Variants in NCKAP5 observed in about 807,000 individuals in gnomAD.
The protein encoded by NCKAP5 is NCK associated protein 5.
Under a neutral mutation model 167.0 loss-of-function variants are expected in NCKAP5, and 92 were observed. The observed-to-expected ratio is 0.55, with a 90% CI of 0.47 to 0.66. The LOEUF is 0.66. Ranked by LOEUF, NCKAP5 falls within the 30% of genes least tolerant of loss-of-function variation. The pLI, the probability that NCKAP5 is intolerant of heterozygous loss-of-function variation, is 0.00. For missense variants in NCKAP5, 2,378 were observed against 2,315.0 expected (o/e 1.03, Z -0.56); for synonymous variants, 891 against 877.4 (o/e 1.02, Z -0.27).
At chr2:133,324,210 A>G (rs1682271133) in intron 3 of NCKAP5, among the ~76,000 whole-genome samples, 2 of 152,248 alleles carry the variant, frequency 1.3e-5, no homozygotes, top group Non-Finnish European at 2.9e-5. Flanking sequence ...CCTGCTGTGC[A>G]AACAGATGCA....
At position 133,086,712 on chromosome 2, in the gene NCKAP5, T is replaced by C. The variant is rs144755191; in HGVS notation, c.341+43266A>G. On this transcript the variant is annotated intron_variant, in intron 6 of 19. Transcript: ENST00000409261. ...TGCTTAATTTTCTCAAAAATACCAG[T>C]AGAGAGATCATACATGTTTTATAAC... 1.0e-3 allele frequency among the ~76,000 whole-genome samples: 159 copies of C among 152,208 alleles called. 3 individuals are homozygous for C. In the East Asian group the frequency reaches 0.028, roughly 27 times the overall value.
intron 11 of NCKAP5, among the ~76,000 whole-genome samples, chr2:132,838,747 C>T (rs79977788): frequency 0.05 from 7,556 of 152,216 alleles, 312 homozygotes; most frequent in East Asian, 0.2. Flanking sequence ...CACAAAGTCC[C>T]GGAAGTGGGG....
chr2:133,471,665 T>C (rs1679332176), intron 3 of NCKAP5, among the ~76,000 whole-genome samples: 1 of 152,146 alleles, frequency 6.6e-6, no homozygotes, highest in African/African-American at 2.4e-5. Flanking sequence ...GGATACACAG[T>C]TAACATGGCT....
At chr2:133,229,159 A>G (rs1295530652) in intron 4 of NCKAP5, among the ~76,000 whole-genome samples, 2 of 152,246 alleles carry the variant, frequency 1.3e-5, no homozygotes, top group African/African-American at 4.8e-5. Context: ...TGGGCAAACA[A>G]CAGGAAATGT....
chr2:133,628,933 T>C, the NCKAP5 span, among the ~76,000 whole-genome samples: 1 of 152,236 alleles, frequency 6.6e-6, no homozygotes, highest in Non-Finnish European at 1.5e-5. Context: ...TGGGTAGCCA[T>C]ATTCGGAAGA....
chr2:133,260,618 A>C (rs1363346777), intron 4 of NCKAP5, among the ~76,000 whole-genome samples: 1 of 152,234 alleles, frequency 6.6e-6, no homozygotes, highest in Admixed American at 6.5e-5. Context: ...CATTTTATAC[A>C]ATCACAATAG....
intron 3 of NCKAP5, among the ~76,000 whole-genome samples, chr2:133,332,817 G>C (rs1213913917): frequency 6.6e-6 from 1 of 152,244 alleles, no homozygotes; most frequent in African/African-American, 2.4e-5. Context: ...GGTGACCCAA[G>C]GTGGGAGGTC....
chr2:133,157,786 C>A (rs1225358784), intron 5 of NCKAP5, among the ~76,000 whole-genome samples: 1 of 152,114 alleles, frequency 6.6e-6, no homozygotes, highest in Non-Finnish European at 1.5e-5. Flanking sequence ...TGGTAAACAA[C>A]ATTATTAAAT....
chr2:133,361,572 C>T (rs969550486), intron 3 of NCKAP5, among the ~76,000 whole-genome samples: 2 of 152,172 alleles, frequency 1.3e-5, no homozygotes, highest in Admixed American at 6.5e-5. Context: ...ATTTATGATG[C>T]TCTTGTTAAA....
At chr2:133,632,671 C>T in the NCKAP5 span, among the ~76,000 whole-genome samples, 2 of 152,210 alleles carry the variant, frequency 1.3e-5, no homozygotes, top group Non-Finnish European at 2.9e-5. Flanking sequence ...GGACCATCTC[C>T]TCCAGGAAAG....
Position 132,981,418 on chromosome 2 carries a change from CAG to C in NCKAP5, c.429+12732_429+12733del, listed in dbSNP as rs1465717616. 2.6e-5 allele frequency among the ~76,000 whole-genome samples: 4 copies of C among 152,144 alleles called. No homozygotes were observed. In the East Asian group the frequency reaches 7.7e-4, roughly 29 times the overall value. On this transcript the variant is annotated intron_variant, in intron 7 of 19. Coordinates refer to ENST00000409261, the MANE Select transcript of NCKAP5 (RefSeq NM_207363.3). ...TCCTGAGAACATGAGGGAAGGAGGA[CAG>C]AGAGGATCCACAGTTTCTCTCTCCT... is the stretch of plus-strand genomic sequence containing the variant.
At chr2:133,030,220 C>T in intron 6 of NCKAP5, among the ~76,000 whole-genome samples, 1 of 152,150 alleles carries the variant, frequency 6.6e-6, no homozygotes, top group East Asian at 1.9e-4. Context: ...ATGGGAATGA[C>T]CTTGGGGGTC....
At chr2:132,688,727 TA>T (rs943188563) in intron 19 of NCKAP5, among the ~76,000 whole-genome samples, 1 of 152,046 alleles carries the variant, frequency 6.6e-6, no homozygotes, top group Non-Finnish European at 1.5e-5. Flanking sequence ...GACTTCATTT[TA>T]AAAGCCTCTT....
chr2:133,632,425 GA>G, the NCKAP5 span, among the ~76,000 whole-genome samples: 36 of 152,250 alleles, frequency 2.4e-4, no homozygotes, highest in African/African-American at 7.5e-4. Context: ...AATGCAGGGG[GA>G]AAAAAAGACT....
At chr2:133,016,587 G>C (rs1280131746) in intron 6 of NCKAP5, among the ~76,000 whole-genome samples, 1 of 152,252 alleles carries the variant, frequency 6.6e-6, no homozygotes, top group Non-Finnish European at 1.5e-5. Context: ...ATAGAAGAAA[G>C]CGCGGTCTGA....
chr2:133,106,051 T>C (rs12052290), intron 6 of NCKAP5, among the ~76,000 whole-genome samples: 26,569 of 151,834 alleles, frequency 0.17, 2,742 homozygotes, highest in East Asian at 0.51. Flanking sequence ...GGAAAACTTC[T>C]GGGAGGTCGA....
chr2:133,623,005 C>T, the NCKAP5 span, among the ~76,000 whole-genome samples: 1 of 152,130 alleles, frequency 6.6e-6, no homozygotes, highest in African/African-American at 2.4e-5. Flanking sequence ...CAATTGCTTA[C>T]AGCCAACTGA....
At chr2:132,966,848 C>A (rs981751393) in intron 7 of NCKAP5, among the ~76,000 whole-genome samples, 1 of 152,118 alleles carries the variant, frequency 6.6e-6, no homozygotes, top group African/African-American at 2.4e-5. Context: ...AAGCACTACA[C>A]TCAGGGCCAT....
At chr2:133,620,444 G>A in the NCKAP5 span, among the ~76,000 whole-genome samples, 1 of 151,948 alleles carries the variant, frequency 6.6e-6, no homozygotes, top group East Asian at 1.9e-4. Context: ...CCATGCAAAT[G>A]GACAAGAAAA....
Sources: gnomAD v4.1 joint callset for allele counts (sites outside exome capture counted in the v4.1 genomes callset) on GRCh38, gnomAD v4.1.1 for gene constraint, MANE v1.5 for transcripts, NCBI Gene and HGNC (gene_info 2026-07-23, HGNC 2026-07-21) for gene names.